Variants in RB1CC1 observed in about 807,000 individuals in gnomAD.
RB1CC1 encodes RB1 inducible coiled-coil 1, also known as RB1-inducible coiled-coil protein 1.
RB1CC1 carries 46 observed loss-of-function variants against 177.5 expected under a neutral mutation model. The ratio of observed to expected loss-of-function variants is 0.26; its 90% CI spans 0.20 to 0.33. The LOEUF (loss-of-function observed/expected upper bound fraction) is 0.33. RB1CC1 is among the 10% of genes least tolerant of loss of function. RB1CC1 has a pLI of 1.00. For synonymous variants in RB1CC1, 666 were observed against 613.6 expected (o/e 1.09, Z -1.26); for missense variants, 1,703 against 1,816.3 (o/e 0.94, Z 1.13).
At chr8:52,686,457 G>A (rs1418626937) in intron 2 of RB1CC1, among the ~76,000 whole-genome samples, 1 of 152,118 alleles carries the variant, frequency 6.6e-6, no homozygotes, top group African/African-American at 2.4e-5. Flanking sequence ...GAGGCAGGAG[G>A]ATGGCTTGAG....
chr8:52,707,476 A>AC (rs1168584740), intron 1 of RB1CC1, among the ~76,000 whole-genome samples: 2 of 138,548 alleles, frequency 1.4e-5, no homozygotes, highest in Non-Finnish European at 3.1e-5. Flanking sequence ...GTGACAATGG[A>AC]CCAGGCTTCA....
At chr8:52,652,100 T>C (rs1211901758) in intron 15 of RB1CC1, among the ~76,000 whole-genome samples, 1 of 152,154 alleles carries the variant, frequency 6.6e-6, no homozygotes, top group Admixed American at 6.5e-5. Flanking sequence ...CAATCAAAAC[T>C]TAAGAGATTT....
intron 16 of RB1CC1, chr8:52,643,176 T>G (rs1849721636): frequency 1.2e-5 from 2 of 163,936 alleles, no homozygotes; most frequent in African/African-American, 4.8e-5. Context: ...CTTTAGCATT[T>G]GATCACCACC....
intron 1 of RB1CC1, among the ~76,000 whole-genome samples, chr8:52,710,457 C>T (rs1856958260): frequency 6.6e-6 from 1 of 151,868 alleles, no homozygotes; most frequent in African/African-American, 2.4e-5. Context: ...GTTTTTTTCC[C>T]TAGGTGTACA....
intron 18 of RB1CC1, among the ~76,000 whole-genome samples, chr8:52,637,963 G>A (rs901286149): frequency 2.4e-4 from 37 of 152,250 alleles, no homozygotes; most frequent in East Asian, 9.7e-4. Context: ...GAGCCACTGC[G>A]CCTGGCCAAT....
intron 19 of RB1CC1, 74 bp from the exon 20 acceptor site, chr8:52,635,042 GT>G: frequency 7.5e-7 from 1 of 1,334,590 alleles, no homozygotes; most frequent in Non-Finnish European, 1.0e-6. Context: ...GATTGTCAAA[GT>G]TTTCATCAGA....
Position 52,659,763 on chromosome 8 carries a change from C to G in RB1CC1, c.1690-787G>C, listed in dbSNP as rs543617737. Among the ~76,000 whole-genome samples the G allele has an allele frequency of 2.0e-5, 3 of 152,260 alleles. No individual in the cohort carries two copies. The East Asian group carries it at 5.8e-4, about 29-fold the overall frequency. On this transcript the variant is annotated intron_variant, in intron 12 of 23. Coordinates refer to ENST00000025008, the MANE Select transcript of RB1CC1 (RefSeq NM_014781.5). ...CTGTAACCTGAACAATTTGGGAGGC[C>G]AAGGTGGGCAGAACACTTGGGGCCA...
In RB1CC1 at chr8:52,661,264, A is replaced by G; in HGVS notation, c.1376T>C (p.Met459Thr). Reference sequence around the variant, plus strand: ...CTCTCCATCTTGATCAGCATGAAGCATTACAAAGCAACACCACCTAGAGAA... The same window carrying G: ...CTCTCCATCTTGATCAGCATGAAGCGTTACAAAGCAACACCACCTAGAGAA... Reference protein sequence around the residue: ...HVRLKWCCFVMLHADQDGEKL... With the variant: ...HVRLKWCCFVTLHADQDGEKL... Residue 459 changes from methionine (M) to threonine (T), a missense_variant, in exon 10 of 24, where the codon ATG (methionine) becomes ACG (threonine). Around this residue, in one of 6 missense-constraint regions of RB1CC1, gnomAD observed 1,169 missense variants for 1,184.7 expected, o/e 0.99. Transcript: ENST00000025008. 6.2e-7 allele frequency: 1 copy of G among 1,612,640 alleles called. No homozygotes were observed.
intron 15 of RB1CC1, among the ~76,000 whole-genome samples, chr8:52,650,317 G>A (rs998732315): frequency 6.6e-6 from 1 of 152,236 alleles, no homozygotes; most frequent in Admixed American, 6.5e-5. Flanking sequence ...GGATGCTGAA[G>A]AGAGAGACTC....
At chr8:52,684,207 T>C (rs564945577) in intron 3 of RB1CC1, among the ~76,000 whole-genome samples, 194 bp from the exon 4 acceptor site, 13 of 152,248 alleles carry the variant, frequency 8.5e-5, no homozygotes, top group Admixed American at 7.9e-4. Flanking sequence ...CTTAGGTAAA[T>C]AACAGCAAAA....
At chr8:52,641,201 T>C (rs1849541294) in intron 18 of RB1CC1, among the ~76,000 whole-genome samples, 1 of 151,796 alleles carries the variant, frequency 6.6e-6, no homozygotes, top group East Asian at 1.9e-4. Flanking sequence ...CTGTCCAACA[T>C]GGTGAAACCC....
Position 52,624,674 on chromosome 8 carries a change from C to CT in RB1CC1, c.4707+42dup, listed in dbSNP as rs778504465. Reference sequence around the variant, plus strand: ...CTATATAAAGCAGTATTAAAATCTTCTTTACAGTTCCCAGGCTTAGTATCA... The same window carrying CT: ...CTATATAAAGCAGTATTAAAATCTTCTTTTACAGTTCCCAGGCTTAGTATCA... On this transcript the variant is annotated intron_variant, in intron 23 of 23. Coordinates refer to ENST00000025008, the MANE Select transcript of RB1CC1 (RefSeq NM_014781.5). The CT allele has an allele frequency of 3.4e-6, 5 of 1,459,370 alleles. No individual in the cohort carries two copies. The East Asian group carries it at 1.1e-4, about 34-fold the overall frequency. 90.4% of individuals were successfully genotyped at this position (1,459,370 alleles called of 1,614,324 possible).
chr8:52,645,996 C>G, intron 15 of RB1CC1, 129 bp from the exon 16 acceptor site: 1 of 884,972 alleles, frequency 1.1e-6, no homozygotes, highest in Non-Finnish European at 1.7e-6. Context: ...TGTGTGAACC[C>G]TCTCTTTGAA....
chr8:52,691,133 G>A (rs1421052209), intron 1 of RB1CC1, among the ~76,000 whole-genome samples: 1 of 152,136 alleles, frequency 6.6e-6, no homozygotes, highest in Admixed American at 6.5e-5. Flanking sequence ...GCTTTTAGCT[G>A]TAATATCTAT....
intron 2 of RB1CC1, chr8:52,685,998 C>T (rs980620320): frequency 3.9e-5 from 6 of 152,242 alleles, no homozygotes; most frequent in Admixed American, 3.9e-4. Context: ...CAATTCCTTC[C>T]ATCATCTGTG....
intron 15 of RB1CC1, among the ~76,000 whole-genome samples, chr8:52,652,336 C>T (rs979219366): frequency 1.3e-5 from 2 of 151,678 alleles, no homozygotes; most frequent in East Asian, 3.9e-4. Context: ...CGTGGTGTCA[C>T]GCACCTGTAG....
At chr8:52,680,672 T>A (rs1853609952) in intron 5 of RB1CC1, among the ~76,000 whole-genome samples, 1 of 151,202 alleles carries the variant, frequency 6.6e-6, no homozygotes, top group African/African-American at 2.4e-5. Flanking sequence ...AGAACAGATT[T>A]AAAAAAAAAC....
chr8:52,637,500 G>A (rs924234179), intron 18 of RB1CC1, among the ~76,000 whole-genome samples: 1 of 152,028 alleles, frequency 6.6e-6, no homozygotes, highest in Non-Finnish European at 1.5e-5. Flanking sequence ...ACCACAGCCA[G>A]CTCCAATTGA....
At chr8:52,677,375 G>A (rs1312767842) in intron 5 of RB1CC1, among the ~76,000 whole-genome samples, 2 of 152,152 alleles carry the variant, frequency 1.3e-5, no homozygotes, top group African/African-American at 4.8e-5. Flanking sequence ...GCAAAGACAG[G>A]AAATATGAAG....
Sources: gnomAD v4.1 joint callset for allele counts (sites outside exome capture counted in the v4.1 genomes callset) on GRCh38, gnomAD v4.1.1 for gene constraint, gnomAD v4.1.1 regional missense constraint, MANE v1.5 for transcripts, NCBI Gene and HGNC (gene_info 2026-07-23, HGNC 2026-07-21) for gene names.